CNTNAP2: variants seen among roughly 807,000 people sequenced by gnomAD.
CNTNAP2 encodes the protein contactin associated protein 2.
A neutral mutation model predicts 155.2 loss-of-function variants in CNTNAP2; 98 were observed. That is an observed-to-expected ratio of 0.63 (90% CI 0.54 to 0.75). The LOEUF is 0.75. CNTNAP2 is among the 30% of genes least tolerant of loss of function. CNTNAP2 has a pLI of 0.00. For synonymous variants in CNTNAP2, 651 were observed against 631.2 expected (o/e 1.03, Z -0.47); for missense variants, 1,727 against 1,688.1 (o/e 1.02, Z -0.40).
At chr7:147,980,818 C>G (rs974022526) in intron 15 of CNTNAP2, among the ~76,000 whole-genome samples, 1 of 150,340 alleles carries the variant, frequency 6.7e-6, no homozygotes, top group Admixed American at 6.7e-5. Context: ...GTAGTCCCAG[C>G]TACTCGGGAG....
chr7:146,900,403 A>G (rs1225984441), intron 3 of CNTNAP2, among the ~76,000 whole-genome samples: 1 of 152,208 alleles, frequency 6.6e-6, no homozygotes, highest in Non-Finnish European at 1.5e-5. Flanking sequence ...AAGTCAATTC[A>G]TTTGAAAGTT....
At position 146,768,418 on chromosome 7, in the gene CNTNAP2, C is replaced by T. The variant is rs1008165653; in HGVS notation, c.98-5853C>T. On this transcript the variant is annotated intron_variant, in intron 1 of 23. Transcript: ENST00000361727. ...TGAGTGTCCCGATGTTGTGTGCCCCCCCACATTTCTGACCATCATTAGTTA... is the reference window on the plus strand; with the variant it reads ...TGAGTGTCCCGATGTTGTGTGCCCCTCCACATTTCTGACCATCATTAGTTA... Among the ~76,000 whole-genome samples the T allele has an allele frequency of 5.9e-5, 9 of 151,650 alleles. No individual in the cohort carries two copies. The East Asian group carries it at 1.4e-3, about 23-fold the overall frequency.
At chr7:146,585,693 C>T (rs1798678226) in intron 1 of CNTNAP2, among the ~76,000 whole-genome samples, 1 of 143,664 alleles carries the variant, frequency 7.0e-6, no homozygotes, top group Admixed American at 7.2e-5. Context: ...TAAAACTCAT[C>T]TGTACGAAAG....
At chr7:146,391,324 G>A (rs1795541133) in intron 1 of CNTNAP2, among the ~76,000 whole-genome samples, 1 of 151,732 alleles carries the variant, frequency 6.6e-6, no homozygotes, top group African/African-American at 2.4e-5. Flanking sequence ...TTGTGCTGGA[G>A]CATCGTCAGC....
intron 15 of CNTNAP2, among the ~76,000 whole-genome samples, chr7:148,082,428 T>C (rs375941081): frequency 3.3e-4 from 51 of 152,298 alleles, no homozygotes; most frequent in Middle Eastern, 6.8e-3. Flanking sequence ...GGAACACTTA[T>C]TGATTGCATC....
intron 1 of CNTNAP2, among the ~76,000 whole-genome samples, chr7:146,549,259 T>C (rs902533198): frequency 2.0e-5 from 3 of 152,028 alleles, no homozygotes; most frequent in African/African-American, 4.8e-5. Context: ...AGTTCTGTTA[T>C]GTCTTTACTG....
At chr7:146,686,006 A>C (rs1359218262) in intron 1 of CNTNAP2, among the ~76,000 whole-genome samples, 1 of 152,128 alleles carries the variant, frequency 6.6e-6, no homozygotes, top group Non-Finnish European at 1.5e-5. Context: ...TTCAGAAAAA[A>C]ATATTCCAGG....
chr7:146,681,256 T>G, intron 1 of CNTNAP2, among the ~76,000 whole-genome samples: 1 of 150,868 alleles, frequency 6.6e-6, no homozygotes, highest in Non-Finnish European at 1.5e-5. Flanking sequence ...CCTGTATAGT[T>G]GAGTCTTGCC....
intron 1 of CNTNAP2, among the ~76,000 whole-genome samples, chr7:146,476,827 C>T (rs934150945): frequency 5.9e-5 from 9 of 152,098 alleles, no homozygotes; most frequent in Admixed American, 3.3e-4. Flanking sequence ...AATTACTTGG[C>T]GAGTAGGGCT....
At chr7:146,645,785 G>GTT (rs1278039308) in intron 1 of CNTNAP2, among the ~76,000 whole-genome samples, 1 of 151,930 alleles carries the variant, frequency 6.6e-6, no homozygotes, top group Non-Finnish European at 1.5e-5. Context: ...GTGTGTGTGT[G>GTT]TATGTGTGTG....
chr7:147,321,000 T>C (rs1255884920), intron 9 of CNTNAP2, among the ~76,000 whole-genome samples: 1 of 152,202 alleles, frequency 6.6e-6, no homozygotes, highest in East Asian at 1.9e-4. Flanking sequence ...TGTTATAGTC[T>C]TCTAATCTAT....
chr7:147,424,228 T>C (rs1157949805), intron 10 of CNTNAP2, among the ~76,000 whole-genome samples: 1 of 152,166 alleles, frequency 6.6e-6, no homozygotes. Flanking sequence ...ATTTTCTTGT[T>C]CTCTTTTAAA....
At chr7:148,322,374 G>C (rs6464870) in intron 21 of CNTNAP2, among the ~76,000 whole-genome samples, 12,524 of 152,176 alleles carry the variant, frequency 0.082, 552 homozygotes, top group African/African-American at 0.1. Context: ...AGAAACAAGT[G>C]TAATAAGAAA....
chr7:148,179,775 A>G (rs1795005385), intron 18 of CNTNAP2, among the ~76,000 whole-genome samples: 1 of 151,982 alleles, frequency 6.6e-6, no homozygotes, highest in African/African-American at 2.4e-5. Flanking sequence ...AGAGAAAGAG[A>G]AGAAAAGAAA....
intron 15 of CNTNAP2, among the ~76,000 whole-genome samples, chr7:148,051,213 T>C (rs1026756363): frequency 6.6e-6 from 1 of 152,226 alleles, no homozygotes; most frequent in Non-Finnish European, 1.5e-5. Flanking sequence ...CATACTTTTA[T>C]GTAATTTGCT....
intron 1 of CNTNAP2, among the ~76,000 whole-genome samples, chr7:146,246,432 T>TG (rs1554406933): frequency 2.0e-5 from 3 of 148,796 alleles, no homozygotes; most frequent in East Asian, 2.0e-4. Flanking sequence ...GGCATGAGAG[T>TG]GGGGGTTTTA....
At position 146,406,521 on chromosome 7, in the gene CNTNAP2, A is replaced by G. The variant is rs755176989; in HGVS notation, c.97+289548A>G. ...ATTAAAACAATAAATCAAAGCACGT[A>G]GAATAAGGAGCTGAGATCTTGAGAG... is the stretch of plus-strand genomic sequence containing the variant. On this transcript the variant is annotated intron_variant, in intron 1 of 23. Coordinates refer to ENST00000361727, the MANE Select transcript of CNTNAP2 (RefSeq NM_014141.6). Among the ~76,000 whole-genome samples, 4 of 152,210 alleles carry G rather than the reference A, an allele frequency of 2.6e-5. No individual in the cohort carries two copies. The South Asian group carries it at 6.2e-4, about 24-fold the overall frequency.
chr7:146,263,137 T>C (rs1294975950), intron 1 of CNTNAP2, among the ~76,000 whole-genome samples: 2 of 151,962 alleles, frequency 1.3e-5, no homozygotes, highest in Admixed American at 1.3e-4. Context: ...GCCAATATGG[T>C]GAAACCCTGT....
chr7:147,626,719 C>A (rs760318371), intron 12 of CNTNAP2, among the ~76,000 whole-genome samples: 1 of 152,148 alleles, frequency 6.6e-6, no homozygotes, highest in African/African-American at 2.4e-5. Context: ...CCAACTCAGG[C>A]CATTACAGCA....
Sources: gnomAD v4.1 joint callset for allele counts (sites outside exome capture counted in the v4.1 genomes callset) on GRCh38, gnomAD v4.1.1 for gene constraint, MANE v1.5 for transcripts, NCBI Gene and HGNC (gene_info 2026-07-23, HGNC 2026-07-21) for gene names.